Variants in PDCD10 observed in about 807,000 individuals in gnomAD.
PDCD10 encodes programmed cell death 10, also known as programmed cell death protein 10.
A neutral mutation model predicts 29.2 loss-of-function variants in PDCD10; 4 were observed. The ratio of observed to expected loss-of-function variants is 0.14; its 90% CI spans 0.07 to 0.31. The LOEUF (loss-of-function observed/expected upper bound fraction) is 0.31, where lower values mean the gene tolerates loss of function less well. Among genes scored for constraint, PDCD10 ranks in the 10% least tolerant of loss-of-function variants. PDCD10 has a pLI of 1.00. For missense variants in PDCD10, 183 were observed against 257.9 expected (o/e 0.71, Z 1.99); for synonymous variants, 70 against 82.2 (o/e 0.85, Z 0.80).
intron 3 of PDCD10, among the ~76,000 whole-genome samples, chr3:167,706,114 A>G (rs1721940867): frequency 6.6e-6 from 1 of 152,208 alleles, no homozygotes; most frequent in African/African-American, 2.4e-5. Context: ...GGATCCAGAC[A>G]AGTAAAAGTG....
chr3:167,728,238 A>G (rs1434053154), intron 2 of PDCD10, among the ~76,000 whole-genome samples: 2 of 147,526 alleles, frequency 1.4e-5, no homozygotes, highest in East Asian at 3.9e-4. Context: ...GTTCTCAATA[A>G]AAAAAAAAAA....
At chr3:167,734,416 CT>C in intron 1 of PDCD10, 66 bp from the exon 2 acceptor site, 1 of 152,904 alleles carries the variant, frequency 6.5e-6, no homozygotes. Context: ...TTCCTCCTCC[CT>C]TTTCTCTTAC....
At chr3:167,703,408 C>A (rs1489284875) in intron 4 of PDCD10, among the ~76,000 whole-genome samples, 1 of 152,034 alleles carries the variant, frequency 6.6e-6, no homozygotes, top group Admixed American at 6.6e-5. Flanking sequence ...AAGCTCTATT[C>A]TAACATACGT....
In PDCD10 at chr3:167,734,196, A is replaced by T. The variant is rs1480982006; in HGVS notation, c.-117+18T>A. 6.6e-6 allele frequency: 1 copy of T among 152,236 alleles called. No individual in the cohort carries two copies. Among genetic ancestry groups the T allele is most frequent in the Non-Finnish European group, 1.5e-5 (1 of 68,092 alleles). The allele number at this position is 152,236 out of a possible 1,614,324, so 9.4% of individuals were successfully genotyped here. ...AAAATGAAAGCGCTCTGAAAGCAGTAAAGGAGTAAAAACATACCTTAGGTA... is the reference window on the plus strand; with the variant it reads ...AAAATGAAAGCGCTCTGAAAGCAGTTAAGGAGTAAAAACATACCTTAGGTA... On this transcript the variant is annotated intron_variant, in intron 2 of 8. Coordinates refer to ENST00000392750, the MANE Select transcript of PDCD10 (RefSeq NM_007217.4).
chr3:167,694,179 T>A (rs754562719), intron 6 of PDCD10, among the ~76,000 whole-genome samples: 4 of 152,062 alleles, frequency 2.6e-5, no homozygotes, highest in Non-Finnish European at 5.9e-5. Flanking sequence ...GCATTTACAC[T>A]TAAAAAATGG....
chr3:167,713,347 C>A (rs953171911), intron 3 of PDCD10, among the ~76,000 whole-genome samples: 1 of 151,720 alleles, frequency 6.6e-6, no homozygotes. Flanking sequence ...GTGGATAAAT[C>A]AAAAACTTAA....
chr3:167,707,711 A>G (rs1186064186), intron 3 of PDCD10, among the ~76,000 whole-genome samples: 3 of 152,050 alleles, frequency 2.0e-5, no homozygotes, highest in Non-Finnish European at 4.4e-5. Flanking sequence ...AAAACAAAAA[A>G]AACAGATTAA....
chr3:167,703,183 T>A (rs911907890), intron 4 of PDCD10, among the ~76,000 whole-genome samples: 1 of 152,120 alleles, frequency 6.6e-6, no homozygotes, highest in African/African-American at 2.4e-5. Context: ...CTTCTTCTTT[T>A]GGCCACAAAG....
Position 167,697,046 on chromosome 3 carries a change from C to T in PDCD10, c.231G>A (p.Thr77=), listed in dbSNP as rs141664917. 1.8e-5 allele frequency: 29 copies of T among 1,606,112 alleles called. No individual in the cohort carries two copies. The African/African-American group carries it at 2.1e-4, about 12-fold the overall frequency. The change falls in exon 5 of 9, where the codon ACG becomes ACA. Residue 77 remains threonine, a synonymous_variant. Transcript: ENST00000392750. ...CAGCTGCCATACGAAGAAGGGACTC[C>T]GTGAAGTTAACTTCCACGCTTTTTT... ...LEKKSVEVNF[T]ESLLRMAADD...
chr3:167,715,167 A>G (rs190538353), intron 3 of PDCD10, among the ~76,000 whole-genome samples: 1 of 152,048 alleles, frequency 6.6e-6, no homozygotes, highest in African/African-American at 2.4e-5. Flanking sequence ...ATACTGGAGA[A>G]AAGAGTCCCT....
intron 6 of PDCD10, among the ~76,000 whole-genome samples, chr3:167,688,278 T>C (rs937327968): frequency 2.0e-5 from 3 of 152,192 alleles, no homozygotes; most frequent in African/African-American, 4.8e-5. Context: ...TTACAGACAC[T>C]TTTAGCTTCT....
chr3:167,733,593 G>C (rs1559985596), intron 2 of PDCD10, among the ~76,000 whole-genome samples: 1 of 152,196 alleles, frequency 6.6e-6, no homozygotes, highest in African/African-American at 2.4e-5. Context: ...AAAAGACGAT[G>C]TTACCTCCAA....
chr3:167,725,256 C>CAAAAAAAAA (rs1178264599), intron 2 of PDCD10: 1 of 84,174 alleles, frequency 1.2e-5, no homozygotes, highest in African/African-American at 3.8e-5. Flanking sequence ...GACTCTGTCT[C>CAAAAAAAAA]AAAAAAGAAA....
At chr3:167,712,854 A>G (rs1722655257) in intron 3 of PDCD10, among the ~76,000 whole-genome samples, 1 of 152,082 alleles carries the variant, frequency 6.6e-6, no homozygotes, top group Non-Finnish European at 1.5e-5. Context: ...AATTATAAGG[A>G]GACAAGGTCA....
Position 167,684,282 on chromosome 3 carries a change from A to C in PDCD10, c.*26T>G. Reference sequence around the variant, plus strand: ...AGGCAGTTCAATACTGCCACTGAGAAGTACATCTCTTAACATATACAACTT... The same window carrying C: ...AGGCAGTTCAATACTGCCACTGAGACGTACATCTCTTAACATATACAACTT... On this transcript the variant is annotated 3_prime_UTR_variant, in exon 9 of 9. Transcript: ENST00000392750. The C allele has an allele frequency of 7.7e-7, 1 of 1,291,024 alleles. No individual in the cohort carries two copies. The allele number at this position is 1,291,024 out of a possible 1,614,324, so 80.0% of individuals were successfully genotyped here.
chr3:167,692,154 G>T (rs1443948328), intron 6 of PDCD10, among the ~76,000 whole-genome samples: 1 of 152,072 alleles, frequency 6.6e-6, no homozygotes, highest in East Asian at 1.9e-4. Flanking sequence ...CAAAACTTTA[G>T]AAATAAATAG....
chr3:167,696,403 T>C lies in PDCD10; in HGVS notation c.268+606A>G, dbSNP rs149954843. ...GCAAATGCTCAACTCTAAATAATGA[T>C]AAGGGCTTTCTTAAAATCATGGAAT... On this transcript the variant is annotated intron_variant, in intron 5 of 8. Coordinates refer to ENST00000392750, the MANE Select transcript of PDCD10 (RefSeq NM_007217.4). 4.1e-3 allele frequency among the ~76,000 whole-genome samples: 627 copies of C among 152,286 alleles called. 2 individuals carry two copies. Among genetic ancestry groups the C allele is most frequent in the African/African-American group, 0.014 (574 of 41,550 alleles).
At chr3:167,714,603 T>G (rs1167832439) in intron 3 of PDCD10, among the ~76,000 whole-genome samples, 1 of 151,860 alleles carries the variant, frequency 6.6e-6, no homozygotes, top group Non-Finnish European at 1.5e-5. Flanking sequence ...TAGCAGAATA[T>G]GAAATCAACA....
At chr3:167,726,281 A>G (rs1305906372) in intron 2 of PDCD10, among the ~76,000 whole-genome samples, 1 of 151,938 alleles carries the variant, frequency 6.6e-6, no homozygotes, top group Non-Finnish European at 1.5e-5. Flanking sequence ...TATTTTTAGT[A>G]GAGATGGGGG....
Sources: allele counts gnomAD v4.1 joint callset (sites outside exome capture counted in the v4.1 genomes callset), GRCh38; gene constraint gnomAD v4.1.1; transcripts MANE v1.5; gene names NCBI Gene and HGNC (gene_info 2026-07-23, HGNC 2026-07-21).